The following FILIP1 variants were observed in gnomAD, a reference collection of about 807,000 sequenced individuals.
FILIP1 encodes filamin-A-interacting protein 1.
In FILIP1, 61 loss-of-function variants were observed where a neutral mutation model predicts 102.1. The ratio of observed to expected loss-of-function variants is 0.60; its 90% CI spans 0.49 to 0.74. FILIP1 has a LOEUF of 0.74. Among genes scored for constraint, FILIP1 ranks in the 30% least tolerant of loss-of-function variants. The pLI, the probability that FILIP1 is intolerant of heterozygous loss-of-function variation, is 0.00. For synonymous variants in FILIP1, 491 were observed against 526.9 expected (o/e 0.93, Z 0.93); for missense variants, 1,314 against 1,441.2 (o/e 0.91, Z 1.43).
intron 4 of FILIP1, among the ~76,000 whole-genome samples, chr6:75,320,832 G>A (rs868214752): frequency 1.3e-5 from 2 of 152,218 alleles, no homozygotes; most frequent in South Asian, 4.1e-4. Context: ...TCTCAACTGA[G>A]AAACCTCAAA....
Position 75,313,069 on chromosome 6 carries a change from G to C in FILIP1, c.2763C>G (p.Ser921Arg). 1 of 1,614,222 alleles carries C rather than the reference G, an allele frequency of 6.2e-7. No homozygotes were observed. Among genetic ancestry groups the C allele is most frequent in the Middle Eastern group, 1.7e-4 (1 of 6,060 alleles). Residue 921 changes from serine to arginine, a missense_variant, in exon 5 of 6, where the codon AGC becomes AGG. Ser to Arg is a moderately radical substitution (Grantham distance 110). Transcript: ENST00000237172. The surrounding 1 kb of genome is among the most constrained non-coding windows in gnomAD (Gnocchi z 4.2). ...HIRVTPDHENSTATLEITSPT... is the reference protein window; with the variant it reads ...HIRVTPDHENRTATLEITSPT... ...GGCTTGTTATCTCCAAAGTCGCAGT[G>C]CTGTTCTCGTGGTCTGGTGTCACTC...
downstream of FILIP1, chr6:75,308,045 A>G: frequency 1.0e-6 from 1 of 985,892 alleles, no homozygotes. Flanking sequence ...AAACTTCTAC[A>G]ATACACACAG....
chr6:75,439,132 A>G, intron 1 of FILIP1, among the ~76,000 whole-genome samples: 1 of 152,222 alleles, frequency 6.6e-6, no homozygotes, highest in East Asian at 1.9e-4. Flanking sequence ...TGAGAGAAGG[A>G]AATCTAAGCT....
chr6:75,491,540 T>A (rs1011672300), intron 1 of FILIP1, among the ~76,000 whole-genome samples: 1 of 152,160 alleles, frequency 6.6e-6, no homozygotes. Flanking sequence ...GGAGCAGCAT[T>A]GTTATAATCC....
At chr6:75,389,004 A>T (rs886186661) in intron 2 of FILIP1, among the ~76,000 whole-genome samples, 2 of 152,068 alleles carry the variant, frequency 1.3e-5, no homozygotes, top group Non-Finnish European at 2.9e-5. Context: ...ATTTGCTGTG[A>T]GTGTGTCATA....
At chr6:75,359,088 C>T (rs575281437) in intron 3 of FILIP1, among the ~76,000 whole-genome samples, 7 of 152,164 alleles carry the variant, frequency 4.6e-5, no homozygotes, top group Middle Eastern at 6.8e-3. Flanking sequence ...CTGCAACTGC[C>T]GAGGCCTCCC....
chr6:75,372,796 A>G (rs1348882261), intron 2 of FILIP1, among the ~76,000 whole-genome samples: 1 of 80,884 alleles, frequency 1.2e-5, no homozygotes, highest in African/African-American at 5.2e-5. Context: ...GAAAGAAAGA[A>G]GGAAAGAAAG....
At chr6:75,298,502 C>T (rs1256372735) in intron 6 of FILIP1, among the ~76,000 whole-genome samples, 2 of 152,174 alleles carry the variant, frequency 1.3e-5, no homozygotes, top group Non-Finnish European at 2.9e-5. Context: ...TTAATTGAAA[C>T]TTATTAAACA....
intron 1 of FILIP1, among the ~76,000 whole-genome samples, chr6:75,460,757 A>C (rs1018791994): frequency 5.9e-5 from 9 of 152,212 alleles, no homozygotes; most frequent in African/African-American, 2.2e-4. Context: ...AAGATAACCA[A>C]GACAATATGG....
At chr6:75,365,837 G>A (rs1476941031) in intron 2 of FILIP1, among the ~76,000 whole-genome samples, 2 of 151,986 alleles carry the variant, frequency 1.3e-5, no homozygotes, top group African/African-American at 2.4e-5. Flanking sequence ...TTATTCCCCA[G>A]AAATAAAACA....
downstream of FILIP1, among the ~76,000 whole-genome samples, chr6:75,304,136 G>T (rs1304865708): frequency 6.6e-6 from 1 of 152,108 alleles, no homozygotes; most frequent in African/African-American, 2.4e-5. Context: ...TTTTGAAGGG[G>T]GAAATGTGGT....
chr6:75,365,340 GT>G (rs1244633064), intron 2 of FILIP1, among the ~76,000 whole-genome samples: 1 of 136,224 alleles, frequency 7.3e-6, no homozygotes, highest in East Asian at 2.0e-4. Flanking sequence ...TTAAGGGCTG[GT>G]TTTTTTGTTT....
chr6:75,444,832 G>A (rs960345644), intron 1 of FILIP1, among the ~76,000 whole-genome samples: 1 of 152,094 alleles, frequency 6.6e-6, no homozygotes, highest in African/African-American at 2.4e-5. Flanking sequence ...ATAAGTTCTA[G>A]CCCAGCAATA....
At chr6:75,348,066 C>T (rs995408230) in intron 4 of FILIP1, among the ~76,000 whole-genome samples, 1 of 151,506 alleles carries the variant, frequency 6.6e-6, no homozygotes, top group African/African-American at 2.4e-5. Flanking sequence ...CAGTTATACA[C>T]ACACACACAC....
At chr6:75,309,973 T>A (rs1481419333) in intron 5 of FILIP1, among the ~76,000 whole-genome samples, 1 of 152,256 alleles carries the variant, frequency 6.6e-6, no homozygotes, top group African/African-American at 2.4e-5. Flanking sequence ...TTTCTCATGA[T>A]CATCACCCTT....
At chr6:75,467,303 T>A (rs1389813578) in intron 1 of FILIP1, among the ~76,000 whole-genome samples, 1 of 152,192 alleles carries the variant, frequency 6.6e-6, no homozygotes, top group East Asian at 1.9e-4. Context: ...TTGACCTAGG[T>A]ATACATGTGC....
rs149878792 is a variant in FILIP1, at chr6:75,397,788, G to A, written c.276+16909C>T. The A allele has an allele frequency of 1.9e-3, 295 of 152,154 alleles. 1 individual carries two copies. The highest frequency in any genetic ancestry group is 6.7e-3 in the African/African-American group (279 of 41,540). 9.4% of individuals were successfully genotyped at this position (152,154 alleles called of 1,614,324 possible). A position where few individuals can be genotyped will look rare whatever the true frequency, so the allele number is the denominator to read the frequency against. ...TCTGTTGAGGAACATGCAAAATCTT[G>A]GTTTATAGCTGATTTTCCTCATAAA... On this transcript the variant is annotated intron_variant, in intron 2 of 5. Coordinates refer to ENST00000237172, the MANE Select transcript of FILIP1 (RefSeq NM_015687.5).
chr6:75,337,426 G>A (rs997360418), intron 4 of FILIP1, among the ~76,000 whole-genome samples: 9 of 152,170 alleles, frequency 5.9e-5, no homozygotes, highest in African/African-American at 2.2e-4. Context: ...GATGTAAAGA[G>A]GACATGATTC....
At chr6:75,468,663 A>G (rs1372588375) in intron 1 of FILIP1, among the ~76,000 whole-genome samples, 1 of 152,172 alleles carries the variant, frequency 6.6e-6, no homozygotes, top group African/African-American at 2.4e-5. Flanking sequence ...CATCCACCCA[A>G]TTGGAGTTAC....
Sources: gnomAD v4.1 joint callset for allele counts (sites outside exome capture counted in the v4.1 genomes callset) on GRCh38, gnomAD v4.1.1 for gene constraint, Gnocchi (gnomAD v3.1) non-coding constraint, MANE v1.5 for transcripts, NCBI Gene and HGNC (gene_info 2026-07-23, HGNC 2026-07-21) for gene names.